Variants in ARHGAP15 observed in about 807,000 individuals in gnomAD.
ARHGAP15 encodes Rho GTPase activating protein 15.
A neutral mutation model predicts 63.7 loss-of-function variants in ARHGAP15; 51 were observed. That is an observed-to-expected ratio of 0.80 (90% confidence interval 0.64 to 1.01). The LOEUF is 1.01. Among genes scored for constraint, ARHGAP15 ranks in the 50% least tolerant of loss-of-function variants. The pLI is 0.00. For missense variants in ARHGAP15, 560 were observed against 564.6 expected, an observed-to-expected ratio of 0.99 and a Z score of 0.08; for synonymous variants, 191 against 193.8, an observed-to-expected ratio of 0.99 and a Z score of 0.12.
intron 6 of ARHGAP15, among the ~76,000 whole-genome samples, chr2:143,432,285 A>C (rs1448268587): frequency 6.6e-6 from 1 of 152,064 alleles, no homozygotes; most frequent in East Asian, 1.9e-4. Context: ...TTCTCATTTA[A>C]ATTAAAAAAT....
rs372174374 is a variant in ARHGAP15 at position 143,228,675 on chromosome 2, A to G, written c.384+7A>G. 2.6e-6 allele frequency: 4 copies of G among 1,529,098 alleles called. No individual in the cohort carries two copies. The allele number at this position is 1,529,098 out of a possible 1,614,324, so 94.7% of individuals were successfully genotyped here. A position where few individuals can be genotyped will look rare whatever the true frequency, so the allele number is the denominator to read the frequency against. Reference sequence around the variant, plus strand: ...ACAGGCTCTGTCCAATATGGTAAGTAATTCTCTGTTTCTATTGTTAAATAT... The same window carrying G: ...ACAGGCTCTGTCCAATATGGTAAGTGATTCTCTGTTTCTATTGTTAAATAT... On this transcript the variant is annotated splice_region_variant and intron_variant, in intron 5 of 13. Transcript: ENST00000295095.
At chr2:143,549,480 G>A (rs1463786776) in intron 10 of ARHGAP15, among the ~76,000 whole-genome samples, 6 of 151,996 alleles carry the variant, frequency 3.9e-5, no homozygotes, top group African/African-American at 1.5e-4. Context: ...TCTTTCCAGG[G>A]GTGTCCCAGA....
At chr2:143,195,058 C>T (rs570239090) in intron 2 of ARHGAP15, among the ~76,000 whole-genome samples, 2 of 152,242 alleles carry the variant, frequency 1.3e-5, no homozygotes, top group East Asian at 3.9e-4. Flanking sequence ...AAAAAATCCA[C>T]ACTTTTTTAA....
intron 11 of ARHGAP15, among the ~76,000 whole-genome samples, chr2:143,564,577 C>T (rs1291772453): frequency 6.6e-6 from 1 of 152,124 alleles, no homozygotes; most frequent in Non-Finnish European, 1.5e-5. Flanking sequence ...TTTATTCTGG[C>T]TCTCTGGTGG....
chr2:143,551,958 T>C (rs1178574573), intron 10 of ARHGAP15, among the ~76,000 whole-genome samples: 12 of 152,204 alleles, frequency 7.9e-5, no homozygotes, highest in Admixed American at 6.5e-4. Flanking sequence ...GAGCTTCTCA[T>C]GTTTAGCTCA....
At chr2:143,675,281 C>A (rs954787125) in intron 12 of ARHGAP15, among the ~76,000 whole-genome samples, 2 of 152,158 alleles carry the variant, frequency 1.3e-5, no homozygotes, top group African/African-American at 4.8e-5. Context: ...ACAGTCACTT[C>A]CTCCACTGAA....
At chr2:143,720,471 A>G (rs1321098048) in intron 13 of ARHGAP15, among the ~76,000 whole-genome samples, 1 of 152,182 alleles carries the variant, frequency 6.6e-6, no homozygotes, top group Non-Finnish European at 1.5e-5. Context: ...CTCCATCAGA[A>G]GAGCCTAATG....
chr2:143,261,325 CTTTTTTTTTTTT>C (rs534351317), intron 6 of ARHGAP15, among the ~76,000 whole-genome samples: 1 of 89,526 alleles, frequency 1.1e-5, no homozygotes. Context: ...GAGGAATGAC[CTTTTTTTTTTTT>C]TTTTTTTTTT....
chr2:143,182,599 C>T (rs1010427628), intron 2 of ARHGAP15, among the ~76,000 whole-genome samples: 4 of 152,164 alleles, frequency 2.6e-5, no homozygotes, highest in African/African-American at 7.2e-5. Flanking sequence ...CTTACTTACC[C>T]TTGCTGCCGT....
intron 12 of ARHGAP15, among the ~76,000 whole-genome samples, chr2:143,638,592 G>GTTAGT (rs1680447995): frequency 6.8e-6 from 1 of 147,444 alleles, no homozygotes; most frequent in Non-Finnish European, 1.5e-5. Flanking sequence ...CATGGCACAT[G>GTTAGT]TATACATATG....
At chr2:143,501,253 G>A (rs577865582) in intron 9 of ARHGAP15, among the ~76,000 whole-genome samples, 8 of 152,238 alleles carry the variant, frequency 5.3e-5, no homozygotes, top group African/African-American at 1.7e-4. Context: ...TTCATTCCCT[G>A]GACAGTGAAA....
At chr2:143,721,275 C>A (rs763459152) in intron 13 of ARHGAP15, among the ~76,000 whole-genome samples, 2 of 152,052 alleles carry the variant, frequency 1.3e-5, no homozygotes. Context: ...AGGACTTTAA[C>A]ATGGGGTTTG....
chr2:143,330,133 C>CAAAAAAAAAAAAAAAAAAAAA lies in ARHGAP15; in HGVS notation c.474+79538_474+79539insAAAAAAAAAAAAAAAAAAAAA, dbSNP rs1558898102. 4.0e-3 allele frequency among the ~76,000 whole-genome samples: 149 copies of CAAAAAAAAAAAAAAAAAAAAA among 37,306 alleles called. 23 individuals are homozygous for CAAAAAAAAAAAAAAAAAAAAA. The highest frequency in any genetic ancestry group is 6.1e-3 in the East Asian group (7 of 1,156). 24.5% of individuals were successfully genotyped at this position (37,306 alleles called of 152,430 possible). On this transcript the variant is annotated intron_variant, in intron 6 of 13. Transcript: ENST00000295095. ...AAAAAAAAAAAAAAAAAAAAAAAAC[C>CAAAAAAAAAAAAAAAAAAAAA]AAAAACAAAAAACTAAACTAATGAT...
chr2:143,661,620 C>T (rs192947490), intron 12 of ARHGAP15, among the ~76,000 whole-genome samples: 24 of 152,242 alleles, frequency 1.6e-4, no homozygotes, highest in African/African-American at 4.1e-4. Flanking sequence ...CCAGTGTGAG[C>T]GACGCAGAAG....
At chr2:143,391,418 C>T (rs550834299) in intron 6 of ARHGAP15, among the ~76,000 whole-genome samples, 77 of 152,218 alleles carry the variant, frequency 5.1e-4, no homozygotes, top group African/African-American at 1.8e-3. Flanking sequence ...CACAGAGAAA[C>T]ATTTATGCCA....
chr2:143,592,979 C>T (rs1181059677), intron 11 of ARHGAP15, among the ~76,000 whole-genome samples: 1 of 152,166 alleles, frequency 6.6e-6, no homozygotes, highest in East Asian at 1.9e-4. Context: ...TAAAGAGACA[C>T]TTTTGTTCTA....
At position 143,435,351 on chromosome 2, in the gene ARHGAP15, C is replaced by T. The variant is rs548615153; in HGVS notation, c.475-250C>T. 3 of 1,084,642 alleles carry T rather than the reference C, an allele frequency of 2.8e-6. No homozygotes were observed. The East Asian group carries it at 1.7e-4, about 63-fold the overall frequency. 67.2% of individuals were successfully genotyped at this position (1,084,642 alleles called of 1,614,324 possible). A position where few individuals can be genotyped will look rare whatever the true frequency, so the allele number is the denominator to read the frequency against. On this transcript the variant is annotated intron_variant, in intron 6 of 13. Coordinates refer to ENST00000295095, the MANE Select transcript of ARHGAP15 (RefSeq NM_018460.4). ...TGTTTCTCCTTAAGTTGGAGTAATT[C>T]AGCTCTAGCCCTACTCTGACTTAAT...
chr2:143,390,804 C>G (rs1210997457), intron 6 of ARHGAP15, among the ~76,000 whole-genome samples: 1 of 151,868 alleles, frequency 6.6e-6, no homozygotes, highest in African/African-American at 2.4e-5. Context: ...GGTACCAACC[C>G]AAAGGGAGGG....
intron 12 of ARHGAP15, among the ~76,000 whole-genome samples, chr2:143,649,077 G>C (rs969248010): frequency 3.9e-5 from 6 of 151,942 alleles, no homozygotes; most frequent in African/African-American, 7.2e-5. Context: ...GGGTCATAGA[G>C]AGCAAGGTAT....
Sources: allele counts gnomAD v4.1 joint callset (sites outside exome capture counted in the v4.1 genomes callset), GRCh38; gene constraint gnomAD v4.1.1; transcripts MANE v1.5; gene names NCBI Gene and HGNC (gene_info 2026-07-23, HGNC 2026-07-21).